Variants in WDFY3 observed in about 807,000 individuals in gnomAD.
The protein encoded by WDFY3 is WD repeat and FYVE domain-containing protein 3.
Under a neutral mutation model 409.6 loss-of-function variants are expected in WDFY3, and 66 were observed. That is an observed-to-expected ratio of 0.16 (90% CI 0.13 to 0.20). The LOEUF (loss-of-function observed/expected upper bound fraction) is 0.20, where lower values mean the gene tolerates loss of function less well. WDFY3 is among the 10% of genes least tolerant of loss of function. The probability of loss-of-function intolerance (pLI) is 1.00; values close to 1 mark genes in which losing one functional copy is unlikely to be tolerated. For synonymous variants in WDFY3, 1,521 were observed against 1,537.1 expected, an observed-to-expected ratio of 0.99 and a Z score of 0.25; for missense variants, 3,031 against 4,298.1, an observed-to-expected ratio of 0.71 and a Z score of 8.24.
chr4:84,745,823 G>A (rs1739338956), intron 36 of WDFY3, among the ~76,000 whole-genome samples: 1 of 152,068 alleles, frequency 6.6e-6, no homozygotes, highest in South Asian at 2.1e-4. Context: ...CTTTCAAGCC[G>A]ATACTACATT....
chr4:84,957,299 T>G (rs921498900), intron 1 of WDFY3, among the ~76,000 whole-genome samples: 1 of 150,084 alleles, frequency 6.7e-6, no homozygotes, highest in African/African-American at 2.4e-5. Flanking sequence ...CATATCATAA[T>G]GAGACTTCTC....
chr4:84,737,204 T>C lies in WDFY3; in HGVS notation c.6737A>G (p.Lys2246Arg), dbSNP rs749048799. 1.5e-5 allele frequency: 25 copies of C among 1,614,176 alleles called. No individual in the cohort carries two copies. Among genetic ancestry groups the C allele is most frequent in the Admixed American group, 1.0e-4 (6 of 60,018 alleles). The change falls in exon 41 of 68, where the codon AAG (lysine) becomes AGG (arginine). Residue 2246 changes from lysine to arginine, a missense_variant. Physicochemically the swap from Lys to Arg is conservative, Grantham distance 26 (BLOSUM62 2). This residue lies in a region of WDFY3 where 314 missense variants were observed against 397.4 expected (regional missense o/e 0.79). Transcript: ENST00000295888. ...ARPLIEEAAL[K>R]CWQNHLAHEK... Reference sequence around the variant, plus strand: ...CTTACCCAAATGATTCTGCCAGCACTTCAGGGCAGCTTCTTCAATGAGTGG... The same window carrying C: ...CTTACCCAAATGATTCTGCCAGCACCTCAGGGCAGCTTCTTCAATGAGTGG...
chr4:84,784,838 CAAA>C (rs1270388687), intron 24 of WDFY3, among the ~76,000 whole-genome samples: 1 of 111,210 alleles, frequency 9.0e-6, no homozygotes, highest in Non-Finnish European at 1.8e-5. Flanking sequence ...AACTCCATCT[CAAA>C]AAAAAAAAGT....
chr4:84,760,446 G>A (rs369652598), intron 32 of WDFY3, among the ~76,000 whole-genome samples: 1 of 151,908 alleles, frequency 6.6e-6, no homozygotes, highest in Non-Finnish European at 1.5e-5. Flanking sequence ...GACTCTTTTT[G>A]GTTGGTAAGC....
chr4:84,833,533 G>C (rs888123374), intron 7 of WDFY3, among the ~76,000 whole-genome samples: 1 of 151,998 alleles, frequency 6.6e-6, no homozygotes, highest in African/African-American at 2.4e-5. Flanking sequence ...GCTAGGCATG[G>C]TGGCAAGTTA....
At chr4:84,862,763 G>A (rs1272420570) in intron 3 of WDFY3, among the ~76,000 whole-genome samples, 1 of 152,030 alleles carries the variant, frequency 6.6e-6, no homozygotes, top group Non-Finnish European at 1.5e-5. Context: ...CTAGGCGGGT[G>A]GATCACGAGG....
chr4:84,709,180 T>A (rs1222104962), intron 52 of WDFY3, 113 bp downstream of exon 52: 3 of 1,412,894 alleles, frequency 2.1e-6, no homozygotes, highest in Non-Finnish European at 2.9e-6. Flanking sequence ...AGAATGAAAA[T>A]AAAACATTTT....
intron 3 of WDFY3, among the ~76,000 whole-genome samples, chr4:84,871,037 C>T (rs548882971): frequency 4.6e-5 from 7 of 152,062 alleles, no homozygotes; most frequent in Non-Finnish European, 1.0e-4. Flanking sequence ...AAGGGAGCAA[C>T]AGCATATTTA....
intron 4 of WDFY3, among the ~76,000 whole-genome samples, chr4:84,852,502 T>C (rs1265040376): frequency 3.3e-5 from 5 of 152,214 alleles, no homozygotes; most frequent in African/African-American, 1.2e-4. Flanking sequence ...ACATGTTTCT[T>C]ATAACCTCCC....
chr4:84,842,763 A>G (rs762309191), intron 5 of WDFY3, among the ~76,000 whole-genome samples: 12 of 152,268 alleles, frequency 7.9e-5, no homozygotes, highest in Non-Finnish European at 1.3e-4. Context: ...CCTAGGCAAC[A>G]GAGCGAGACT....
intron 2 of WDFY3, among the ~76,000 whole-genome samples, chr4:84,910,194 A>T (rs189211875): frequency 1.3e-5 from 2 of 152,288 alleles, no homozygotes; most frequent in East Asian, 3.9e-4. Flanking sequence ...TAATCTAAAG[A>T]CGATTTACAG....
chr4:84,821,451 T>G lies in WDFY3; in HGVS notation c.1224A>C (p.Thr408=), dbSNP rs1378400402. The G allele has an allele frequency of 8.1e-6, 13 of 1,613,918 alleles. No individual in the cohort carries two copies. Among genetic ancestry groups the G allele is most frequent in the Non-Finnish European group, 1.1e-5 (13 of 1,179,868 alleles). Residue 408 remains threonine, a synonymous_variant, in exon 11 of 68, where the codon ACA becomes ACC. Coordinates refer to ENST00000295888, the MANE Select transcript of WDFY3 (RefSeq NM_014991.6). ...TGGCATTGTCAGCCATGTAAATATT[T>G]GTGATAGCATCAAGGATGATTTGGG... ...FLAQIILDAI[T]NIYMADNANY...
At chr4:84,880,702 T>C (rs1296724397) in intron 3 of WDFY3, among the ~76,000 whole-genome samples, 2 of 106,864 alleles carry the variant, frequency 1.9e-5, no homozygotes, top group Non-Finnish European at 3.7e-5. Flanking sequence ...TATATATATA[T>C]ATATATATAT....
chr4:84,928,346 T>C (rs1293259164), intron 2 of WDFY3, among the ~76,000 whole-genome samples: 2 of 152,232 alleles, frequency 1.3e-5, no homozygotes, highest in East Asian at 3.9e-4. Flanking sequence ...GACTGAGTCA[T>C]GCTACCAGCT....
chr4:84,677,512 G>A (rs2148730830), intron 66 of WDFY3, 116 bp from the exon 67 acceptor site: 6 of 933,410 alleles, frequency 6.4e-6, no homozygotes, highest in Non-Finnish European at 9.2e-6. Flanking sequence ...TAAGGGTCCT[G>A]GAGAGACCCC....
At chr4:84,769,534 C>A (rs1318682591) in intron 30 of WDFY3, among the ~76,000 whole-genome samples, 2 of 152,076 alleles carry the variant, frequency 1.3e-5, no homozygotes, top group African/African-American at 4.8e-5. Flanking sequence ...CCTGCCTCAG[C>A]CTCCCGAGTA....
intron 15 of WDFY3, among the ~76,000 whole-genome samples, chr4:84,805,221 T>C (rs1306984033): frequency 2.0e-5 from 3 of 152,178 alleles, no homozygotes; most frequent in East Asian, 1.9e-4. Flanking sequence ...ATTATATATA[T>C]TGCAAATATT....
At chr4:84,678,029 C>A in intron 66 of WDFY3, 139 bp downstream of exon 66, 1 of 412,240 alleles carries the variant, frequency 2.4e-6, no homozygotes. Flanking sequence ...CAGGGTTCTT[C>A]TTCAAATTTA....
rs1011697772 is a variant in WDFY3 at position 84,682,383 on chromosome 4, C to T, written c.9814G>A (p.Ala3272Thr). ...VLEMQEDCPE[A>T]QIGQEAQDED... ...AGAAAGTATTAAATACCTATTTGTG[C>T]TTCTGGACAGTCTTCCTGCATTTCT... Residue 3272 changes from alanine to threonine, a missense_variant, in exon 64 of 68, where the codon GCA (alanine) becomes ACA (threonine). Physicochemically the swap from Ala to Thr is moderately conservative, Grantham distance 58. Coordinates refer to ENST00000295888, the MANE Select transcript of WDFY3 (RefSeq NM_014991.6). 17 of 1,613,552 alleles carry T rather than the reference C, an allele frequency of 1.1e-5. No individual in the cohort carries two copies. The East Asian group carries it at 2.7e-4, about 25-fold the overall frequency.
Sources: allele counts gnomAD v4.1 joint callset (sites outside exome capture counted in the v4.1 genomes callset), GRCh38; gene constraint gnomAD v4.1.1; regional missense constraint gnomAD v4.1.1; transcripts MANE v1.5; gene names NCBI Gene and HGNC (gene_info 2026-07-23, HGNC 2026-07-21).